Variants in EDDM13 observed in about 807,000 individuals in gnomAD.
The protein encoded by EDDM13 is epididymal protein 13.
A neutral mutation model predicts 17.8 loss-of-function variants in EDDM13; 24 were observed. That is an observed-to-expected ratio of 1.35 (90% CI 0.98 to 1.90). The LOEUF (loss-of-function observed/expected upper bound fraction) is 1.90, where lower values mean the gene tolerates loss of function less well. Ranked by LOEUF, EDDM13 falls within the 40% of genes most tolerant of loss-of-function variation. EDDM13 has a pLI of 0.00. For synonymous variants in EDDM13, 31 were observed against 37.5 expected, an observed-to-expected ratio of 0.83 and a Z score of 0.63; for missense variants, 97 against 100.8, an observed-to-expected ratio of 0.96 and a Z score of 0.16.
In EDDM13 at chr19:56,282,130, T is replaced by C. The variant is rs576121618; in HGVS notation, c.110-361T>C. 7.5e-4 allele frequency among the ~76,000 whole-genome samples: 114 copies of C among 152,250 alleles called. 2 individuals are homozygous for C. In the South Asian group the frequency reaches 0.021, roughly 29 times the overall value. On this transcript the variant is annotated intron_variant, in intron 3 of 14. Coordinates refer to ENST00000649256, the MANE Select transcript of EDDM13 (RefSeq NM_001354658.2). ...TATGGTACAGGGTGGGTAAGACGTC[T>C]TCCTTTCCCAGAATTAACATCCAGT...
intron 1 of EDDM13, chr19:56,274,764 TTTTTGTTTTG>T (rs140348475): frequency 5.7e-4 from 36 of 63,702 alleles, no homozygotes; most frequent in Non-Finnish European, 1.4e-3. Flanking sequence ...TCAATTAAGT[TTTTTGTTTTG>T]TTTTGTTTTG....
At chr19:56,275,911 G>C (rs1247821591) in intron 1 of EDDM13, among the ~76,000 whole-genome samples, 181 bp from the exon 2 acceptor site, 4 of 152,210 alleles carry the variant, frequency 2.6e-5, no homozygotes, top group African/African-American at 9.7e-5. Flanking sequence ...ATCGATGGAT[G>C]GATGGGCTGA....
At chr19:56,297,348 TTTC>T (rs377278275) in intron 11 of EDDM13, among the ~76,000 whole-genome samples, 154 bp from the exon 12 acceptor site, 1 of 151,488 alleles carries the variant, frequency 6.6e-6, no homozygotes, top group African/African-American at 2.4e-5. Context: ...TTTCTTTTCC[TTTC>T]TTTTCTCCTC....
chr19:56,297,514 G>C lies in EDDM13; in HGVS notation c.278G>C (p.Ser93Thr), dbSNP rs1001257659. 10 of 984,300 alleles carry C rather than the reference G, an allele frequency of 1.0e-5. No homozygotes were observed. The African/African-American group carries it at 1.6e-4, about 16-fold the overall frequency. 61.0% of individuals were successfully genotyped at this position (984,300 alleles called of 1,614,324 possible). A position where few individuals can be genotyped will look rare whatever the true frequency, so the allele number is the denominator to read the frequency against. The change falls in exon 12 of 15, where the codon AGT (serine) becomes ACT (threonine). Residue 93 changes from serine (S) to threonine (T), a missense_variant. By Grantham distance (58) the Ser-to-Thr change is moderately conservative. Transcript: ENST00000649256. ...ATCTCTTCATTTTTAGAAGAAACAAGTGGCTGCAAGGAGGAAGGTAAGTGC... is the reference window on the plus strand; with the variant it reads ...ATCTCTTCATTTTTAGAAGAAACAACTGGCTGCAAGGAGGAAGGTAAGTGC... ...LSLQVLHEET[S>T]GCKEEVKPFS... is the part of the protein sequence containing the mutation.
chr19:56,303,513 G>A (rs1404332429), intron 13 of EDDM13, among the ~76,000 whole-genome samples: 2 of 150,518 alleles, frequency 1.3e-5, no homozygotes, highest in Non-Finnish European at 1.5e-5. Context: ...AGGAAGGAAA[G>A]GAGGGAGGGA....
At chr19:56,275,622 A>C (rs2038191378) in intron 1 of EDDM13, among the ~76,000 whole-genome samples, 1 of 152,218 alleles carries the variant, frequency 6.6e-6, no homozygotes, top group African/African-American at 2.4e-5. Context: ...TTTTTGATGG[A>C]TAGGAGTGTG....
chr19:56,273,727 A>G lies in EDDM13; in HGVS notation c.85+808A>G, dbSNP rs918766807. Among the ~76,000 whole-genome samples, 6 of 152,154 alleles carry G rather than the reference A, an allele frequency of 3.9e-5. No homozygotes were observed. The East Asian group carries it at 1.2e-3, about 29-fold the overall frequency. On this transcript the variant is annotated intron_variant, in intron 1 of 14. Coordinates refer to ENST00000649256, the MANE Select transcript of EDDM13 (RefSeq NM_001354658.2). ...GGAGGGGCATGGTGGTGAGACTGTT[A>G]CAAGTAAGAAGAGACAGGAGGCAGG... is the stretch of plus-strand genomic sequence containing the variant.
intron 2 of EDDM13, among the ~76,000 whole-genome samples, chr19:56,276,661 C>T (rs879536341): frequency 2.0e-4 from 30 of 151,930 alleles, no homozygotes; most frequent in African/African-American, 3.9e-4. Context: ...CTCAGCCTCC[C>T]GAGTAGCTGG....
rs991901129 is a variant in EDDM13 at position 56,276,119 on chromosome 19, G to A, written c.103+10G>A. On this transcript the variant is annotated intron_variant, in intron 2 of 14. Coordinates refer to ENST00000649256, the MANE Select transcript of EDDM13 (RefSeq NM_001354658.2). ...GCAACTAAAGAAAAAAGTAAGAACC[G>A]TGGAACCCCCAAGTCTGTATTTTCA... Among the ~76,000 whole-genome samples, 2 of 152,166 alleles carry A rather than the reference G, an allele frequency of 1.3e-5. No individual in the cohort carries two copies. Among genetic ancestry groups the A allele is most frequent in the African/African-American group, 4.8e-5 (2 of 41,446 alleles).
intron 2 of EDDM13, chr19:56,280,516 T>C (rs2038612425): frequency 6.6e-6 from 1 of 152,318 alleles, no homozygotes; most frequent in South Asian, 2.1e-4. Context: ...TATCTATATA[T>C]AGATATATAT....
rs1425531061 is a variant in EDDM13 at position 56,302,694 on chromosome 19, C to A, written c.423+599C>A. On this transcript the variant is annotated intron_variant, in intron 13 of 14. Coordinates refer to ENST00000649256, the MANE Select transcript of EDDM13 (RefSeq NM_001354658.2). Reference sequence around the variant, plus strand: ...CTTCCTCCTTCCCTCCTTCTCTCTCCTTCCTTCTCTTTCCTTCTTCCCTCC... The same window carrying A: ...CTTCCTCCTTCCCTCCTTCTCTCTCATTCCTTCTCTTTCCTTCTTCCCTCC... 5 of 322,808 alleles carry A rather than the reference C, an allele frequency of 1.5e-5. No individual in the cohort carries two copies. The South Asian group carries it at 5.4e-4, about 35-fold the overall frequency. 20.0% of individuals were successfully genotyped at this position (322,808 alleles called of 1,614,324 possible).
At chr19:56,284,513 A>ATTTT (rs11374260) in intron 5 of EDDM13, among the ~76,000 whole-genome samples, 3,284 of 118,074 alleles carry the variant, frequency 0.028, 163 homozygotes, top group Non-Finnish European at 0.042. Context: ...GCTTGCTGTA[A>ATTTT]TTTTTTTTTT....
Position 56,277,023 on chromosome 19 carries a change from C to A in EDDM13, c.103+914C>A, listed in dbSNP as rs59214405. ...CATTAGCCATCAGAAAAATGGAAGC[C>A]AAAGCCACAGTGAGGTATCACTTCA... On this transcript the variant is annotated intron_variant, in intron 2 of 14. Transcript: ENST00000649256. Among the ~76,000 whole-genome samples, 712 of 152,088 alleles carry A rather than the reference C, an allele frequency of 4.7e-3. 10 individuals carry two copies. Among genetic ancestry groups the A allele is most frequent in the African/African-American group, 0.016 (672 of 41,470 alleles).
intron 14 of EDDM13, among the ~76,000 whole-genome samples, chr19:56,306,381 C>T (rs2040692076): frequency 1.8e-5 from 2 of 109,426 alleles, no homozygotes; most frequent in East Asian, 2.9e-4. Context: ...GCCTCTCCCA[C>T]GTCGCCAGAG....
At chr19:56,274,616 C>G (rs2038115228) in intron 1 of EDDM13, 5 of 152,184 alleles carry the variant, frequency 3.3e-5, no homozygotes, top group Admixed American at 6.5e-5. Context: ...AACCATAGCA[C>G]AATGACTAAA....
chr19:56,302,547 T>C (rs2040357351), intron 13 of EDDM13, among the ~76,000 whole-genome samples: 2 of 78,856 alleles, frequency 2.5e-5, no homozygotes, highest in Non-Finnish European at 4.6e-5. Flanking sequence ...TCCTCCCCGT[T>C]CCTCCCTCCC....
In EDDM13 at chr19:56,302,106, G is replaced by T. The variant is rs1054730144; in HGVS notation, c.423+11G>T. On this transcript the variant is annotated intron_variant, in intron 13 of 14. Coordinates refer to ENST00000649256, the MANE Select transcript of EDDM13 (RefSeq NM_001354658.2). ...AACAAAGGGGACTGGGTAAGAAGAAGGCAGCACGGAGGGGAGGAGTGTGAG... is the reference window on the plus strand; with the variant it reads ...AACAAAGGGGACTGGGTAAGAAGAATGCAGCACGGAGGGGAGGAGTGTGAG... 18 of 1,231,718 alleles carry T rather than the reference G, an allele frequency of 1.5e-5. No individual in the cohort carries two copies. In the African/African-American group the frequency reaches 2.6e-4, roughly 18 times the overall value. 76.3% of individuals were successfully genotyped at this position (1,231,718 alleles called of 1,614,324 possible).
chr19:56,302,656 T>A (rs186195444), intron 13 of EDDM13, among the ~76,000 whole-genome samples: 1 of 71,860 alleles, frequency 1.4e-5, no homozygotes, highest in South Asian at 6.6e-4. Flanking sequence ...CTTCCCCCCC[T>A]CCCTGTTCTT....
chr19:56,282,526 C>CA, intron 4 of EDDM13, 27 bp downstream of exon 4: 1 of 985,268 alleles, frequency 1.0e-6, no homozygotes, highest in Non-Finnish European at 1.2e-6. Context: ...ATCTCTTTCC[C>CA]TTTGGGGTCT....
Sources: allele counts gnomAD v4.1 joint callset (sites outside exome capture counted in the v4.1 genomes callset), GRCh38; gene constraint gnomAD v4.1.1; transcripts MANE v1.5; gene names NCBI Gene and HGNC (gene_info 2026-07-23, HGNC 2026-07-21).